Variants in RAC1 observed in about 807,000 individuals in gnomAD.
RAC1 encodes the protein Rac family small GTPase 1.
RAC1 carries 2 observed loss-of-function variants against 25.2 expected under a neutral mutation model. That is an observed-to-expected ratio of 0.08 (90% confidence interval 0.03 to 0.25). RAC1 has a LOEUF of 0.25. Ranked by LOEUF, RAC1 falls within the 10% of genes least tolerant of loss-of-function variation. The pLI is 1.00. For synonymous variants in RAC1, 88 were observed against 94.0 expected, an observed-to-expected ratio of 0.94 and a Z score of 0.37; for missense variants, 50 against 235.7, an observed-to-expected ratio of 0.21 and a Z score of 5.16.
intron 1 of RAC1, among the ~76,000 whole-genome samples, chr7:6,375,422 C>T (rs1334638508): frequency 1.3e-5 from 2 of 152,074 alleles, no homozygotes; most frequent in African/African-American, 2.4e-5. Flanking sequence ...AATGGGGTCT[C>T]ACTGTGTTGT....
At chr7:6,399,998 G>A (rs541855345) in intron 3 of RAC1, 128 bp from the exon 4 acceptor site, 15 of 831,268 alleles carry the variant, frequency 1.8e-5, no homozygotes, top group South Asian at 8.9e-5. Flanking sequence ...ATCAGGAAGC[G>A]TCTGACCACA....
At chr7:6,389,432 G>T (rs1367747594) in intron 2 of RAC1, among the ~76,000 whole-genome samples, 1 of 151,362 alleles carries the variant, frequency 6.6e-6, no homozygotes, top group Non-Finnish European at 1.5e-5. Flanking sequence ...TGTAATCCCA[G>T]CACTTGGGGA....
intron 4 of RAC1, among the ~76,000 whole-genome samples, chr7:6,400,902 C>T (rs1039579862): frequency 2.0e-5 from 3 of 150,810 alleles, no homozygotes; most frequent in African/African-American, 7.3e-5. Flanking sequence ...CTCGAACTCC[C>T]GACCTCAGGT....
chr7:6,380,379 T>C (rs1427120935), intron 1 of RAC1, among the ~76,000 whole-genome samples: 1 of 38,548 alleles, frequency 2.6e-5, no homozygotes, highest in African/African-American at 5.0e-4. Flanking sequence ...TTATACATAA[T>C]GTGTGTGTGT....
chr7:6,388,346 C>CTTTTTTT (rs71008389), intron 2 of RAC1, among the ~76,000 whole-genome samples: 3,551 of 121,458 alleles, frequency 0.029, 96 homozygotes, highest in Non-Finnish European at 0.05. Flanking sequence ...TGTTGTTTTC[C>CTTTTTTT]TTTTTTTTTT....
intron 3 of RAC1, among the ~76,000 whole-genome samples, chr7:6,396,129 G>A (rs529033708): frequency 6.6e-6 from 1 of 152,322 alleles, no homozygotes; most frequent in African/African-American, 2.4e-5. Flanking sequence ...GGGGAAAGCA[G>A]TGCTCAGGTT....
intron 1 of RAC1, among the ~76,000 whole-genome samples, chr7:6,376,819 T>G (rs545535756): frequency 7.4e-5 from 11 of 149,138 alleles, no homozygotes; most frequent in Non-Finnish European, 1.5e-4. Context: ...TTGCTGATAA[T>G]TATTTGAAAA....
chr7:6,381,313 A>C (rs1381531584), intron 1 of RAC1, among the ~76,000 whole-genome samples: 1 of 152,040 alleles, frequency 6.6e-6, no homozygotes, highest in Admixed American at 6.5e-5. Flanking sequence ...TCAGTTGTAC[A>C]TAGTGTCTTC....
chr7:6,379,449 T>C (rs1441831912), intron 1 of RAC1, among the ~76,000 whole-genome samples: 3 of 151,996 alleles, frequency 2.0e-5, no homozygotes, highest in Non-Finnish European at 2.9e-5. Flanking sequence ...AATTTCGTAT[T>C]TTTAATAGAG....
At chr7:6,398,239 C>A (rs1783302194) in intron 3 of RAC1, among the ~76,000 whole-genome samples, 1 of 152,162 alleles carries the variant, frequency 6.6e-6, no homozygotes, top group African/African-American at 2.4e-5. Context: ...CAGACGGGTC[C>A]TTTTCCTGTA....
intron 1 of RAC1, among the ~76,000 whole-genome samples, chr7:6,375,668 T>TAA (rs1242368103): frequency 4.6e-5 from 7 of 151,948 alleles, no homozygotes; most frequent in Admixed American, 6.6e-5. Context: ...TTTTCTTTCT[T>TAA]TCTTTTTTTT....
At chr7:6,391,768 G>A (rs1235934289) in intron 2 of RAC1, among the ~76,000 whole-genome samples, 156 bp from the exon 3 acceptor site, 5 of 152,026 alleles carry the variant, frequency 3.3e-5, no homozygotes, top group African/African-American at 2.4e-5. Flanking sequence ...AGTTTTGCCC[G>A]TGCCGCCTTC....
intron 1 of RAC1, among the ~76,000 whole-genome samples, chr7:6,376,496 T>C (rs1279494685): frequency 2.7e-5 from 4 of 148,976 alleles, no homozygotes; most frequent in Non-Finnish European, 5.9e-5. Context: ...ATTTTTTTTT[T>C]TTTTCTTTTC....
chr7:6,399,421 T>G (rs764547682), intron 3 of RAC1, among the ~76,000 whole-genome samples: 3 of 152,224 alleles, frequency 2.0e-5, no homozygotes, highest in Non-Finnish European at 4.4e-5. Context: ...TTGAATTTGG[T>G]TTGACACAAA....
chr7:6,386,003 T>A (rs2115191457), intron 1 of RAC1, among the ~76,000 whole-genome samples: 1 of 152,314 alleles, frequency 6.6e-6, no homozygotes, highest in East Asian at 1.9e-4. Flanking sequence ...GTGGTGACCT[T>A]AGTTATTAGG....
chr7:6,395,358 A>G (rs901718140), intron 3 of RAC1, among the ~76,000 whole-genome samples: 1 of 152,206 alleles, frequency 6.6e-6, no homozygotes, highest in Non-Finnish European at 1.5e-5. Flanking sequence ...TTGAGTTTCA[A>G]AAGGCCTCAG....
intron 1 of RAC1, among the ~76,000 whole-genome samples, chr7:6,382,122 T>G (rs531374720): frequency 1.6e-4 from 25 of 152,116 alleles, no homozygotes; most frequent in African/African-American, 5.8e-4. Flanking sequence ...GCCTCCTGAG[T>G]AGCTGGGATT....
chr7:6,395,127 T>G (rs762711042), intron 3 of RAC1, among the ~76,000 whole-genome samples: 1 of 152,248 alleles, frequency 6.6e-6, no homozygotes, highest in South Asian at 2.1e-4. Flanking sequence ...GTGCTGGGAT[T>G]ACAAATTTTG....
In RAC1 at chr7:6,394,248, AT is replaced by A. The variant is rs3838697; in HGVS notation, c.225+2210del. ...CGGGCTAAGTCTGTTCAGACCATTC[AT>A]TTCTTCTTCGTTCTCCAAAAGATGG... is the stretch of plus-strand genomic sequence containing the variant. On this transcript the variant is annotated intron_variant, in intron 3 of 5. Coordinates refer to ENST00000348035, the MANE Select transcript of RAC1 (RefSeq NM_006908.5). Among the ~76,000 whole-genome samples the A allele has an allele frequency of 2.2e-4, 34 of 152,144 alleles. 2 individuals carry two copies. The East Asian group carries it at 6.6e-3, about 29-fold the overall frequency.
Sources: allele counts gnomAD v4.1 joint callset (sites outside exome capture counted in the v4.1 genomes callset), GRCh38; gene constraint gnomAD v4.1.1; transcripts MANE v1.5; gene names NCBI Gene and HGNC (gene_info 2026-07-23, HGNC 2026-07-21).